Variants in COL24A1 observed in about 807,000 individuals in gnomAD.
The protein encoded by COL24A1 is collagen type XXIV alpha 1 chain, also known as collagen alpha-1(XXIV) chain.
COL24A1 carries 224 observed loss-of-function variants against 253.9 expected under a neutral mutation model. The observed-to-expected ratio is 0.88, with a 90% CI of 0.79 to 0.99. The LOEUF (loss-of-function observed/expected upper bound fraction) is 0.99, where lower values mean the gene tolerates loss of function less well. COL24A1 is among the 50% of genes least tolerant of loss of function. The pLI, the probability that COL24A1 is intolerant of heterozygous loss-of-function variation, is 0.00. For synonymous variants in COL24A1, 685 were observed against 673.7 expected, an observed-to-expected ratio of 1.02 and a Z score of -0.26; for missense variants, 2,131 against 2,068.5, an observed-to-expected ratio of 1.03 and a Z score of -0.59.
intron 47 of COL24A1, among the ~76,000 whole-genome samples, chr1:85,793,001 T>G (rs940512023): frequency 6.6e-6 from 1 of 152,130 alleles, no homozygotes; most frequent in African/African-American, 2.4e-5. Flanking sequence ...GCCATTTCTG[T>G]GGAAGGTCTG....
At chr1:85,781,671 G>A (rs1472661113) in intron 51 of COL24A1, among the ~76,000 whole-genome samples, 1 of 152,132 alleles carries the variant, frequency 6.6e-6, no homozygotes, top group Admixed American at 6.6e-5. Context: ...AGATGTTTGG[G>A]TAACATGAAG....
Position 86,022,939 on chromosome 1 carries a change from C to A in COL24A1, c.2103+15G>T, listed in dbSNP as rs576265019. On this transcript the variant is annotated intron_variant, in intron 15 of 59. Coordinates refer to ENST00000370571, the MANE Select transcript of COL24A1 (RefSeq NM_152890.7). ...AGATTAAAGGGAAATATCCATTATA[C>A]AAATAGAACCATACCATTGGGCCAG... is the stretch of plus-strand genomic sequence containing the variant. The A allele has an allele frequency of 3.0e-5, 48 of 1,612,916 alleles. No homozygotes were observed. The South Asian group carries it at 3.2e-4, about 11-fold the overall frequency.
intron 4 of COL24A1, among the ~76,000 whole-genome samples, chr1:86,113,855 A>AG (rs920205530): frequency 6.6e-6 from 1 of 151,110 alleles, no homozygotes; most frequent in African/African-American, 2.4e-5. Context: ...AAAAAAAAAA[A>AG]AAAAAAAAGA....
At chr1:85,757,854 A>G (rs438401) in intron 55 of COL24A1, among the ~76,000 whole-genome samples, 129,965 of 152,132 alleles carry the variant, frequency 0.85, 56,146 homozygotes, top group East Asian at 0.92. Context: ...TCTCTCATTA[A>G]GTGCAGTGAG....
chr1:85,760,911 C>A (rs906201186), intron 55 of COL24A1, among the ~76,000 whole-genome samples: 3 of 152,080 alleles, frequency 2.0e-5, no homozygotes, highest in Non-Finnish European at 4.4e-5. Context: ...ATAAGGGTAG[C>A]AAGTTTTGGG....
chr1:86,149,332 A>G (rs1652400581), intron 1 of COL24A1, among the ~76,000 whole-genome samples: 1 of 152,270 alleles, frequency 6.6e-6, no homozygotes, highest in South Asian at 2.1e-4. Context: ...GTTGAGGACC[A>G]TCACGCAAGA....
chr1:85,980,744 T>C (rs1014979245), intron 20 of COL24A1, among the ~76,000 whole-genome samples: 1 of 152,026 alleles, frequency 6.6e-6, no homozygotes, highest in African/African-American at 2.4e-5. Flanking sequence ...CCGTCTCTAC[T>C]AAAAATACAA....
chr1:86,065,611 G>A (rs1178479849), intron 7 of COL24A1, among the ~76,000 whole-genome samples: 5 of 152,056 alleles, frequency 3.3e-5, no homozygotes, highest in African/African-American at 1.2e-4. Context: ...CCTATAAAAT[G>A]ACTTGGAATA....
intron 7 of COL24A1, among the ~76,000 whole-genome samples, chr1:86,086,847 A>G (rs1703099778): frequency 2.0e-5 from 3 of 152,228 alleles, no homozygotes; most frequent in Admixed American, 2.0e-4. Context: ...AAATGGAGCC[A>G]TTATATCCTT....
intron 24 of COL24A1, among the ~76,000 whole-genome samples, chr1:85,917,715 G>T (rs1248617077): frequency 6.6e-6 from 1 of 151,778 alleles, no homozygotes; most frequent in Admixed American, 6.6e-5. Context: ...ATTTGAGATG[G>T]AGTCTTGCTC....
intron 46 of COL24A1, 82 bp from the exon 47 acceptor site, chr1:85,816,977 GAGA>G (rs1673107060): frequency 9.6e-7 from 1 of 1,045,100 alleles, no homozygotes. Flanking sequence ...TATTGAGCTG[GAGA>G]AGTTTACATT....
chr1:85,797,627 G>A (rs934607712), intron 47 of COL24A1, among the ~76,000 whole-genome samples: 4 of 152,180 alleles, frequency 2.6e-5, no homozygotes, highest in Admixed American at 1.3e-4. Context: ...TGTTGTCTGT[G>A]TGAACCTGCG....
intron 47 of COL24A1, among the ~76,000 whole-genome samples, chr1:85,800,013 T>G (rs1280072634): frequency 6.6e-6 from 1 of 152,194 alleles, no homozygotes; most frequent in Non-Finnish European, 1.5e-5. Flanking sequence ...CAGTCGTACA[T>G]AAAGGGACAG....
At chr1:85,913,596 G>A (rs187339734) in intron 24 of COL24A1, among the ~76,000 whole-genome samples, 16 of 152,290 alleles carry the variant, frequency 1.1e-4, no homozygotes, top group Non-Finnish European at 1.0e-4. Flanking sequence ...CGGCCACTTT[G>A]GGCTTCTTAT....
chr1:86,085,494 T>G (rs1445237032), intron 7 of COL24A1, among the ~76,000 whole-genome samples: 1 of 152,220 alleles, frequency 6.6e-6, no homozygotes, highest in Non-Finnish European at 1.5e-5. Context: ...CAATATGGCT[T>G]ATCTTCTTGA....
chr1:86,146,386 T>A (rs1262730302), intron 1 of COL24A1, among the ~76,000 whole-genome samples: 1 of 152,078 alleles, frequency 6.6e-6, no homozygotes, highest in African/African-American at 2.4e-5. Context: ...GGCACATTTT[T>A]AATCATTCTA....
chr1:85,740,840 T>C (rs1305822923), intron 57 of COL24A1, among the ~76,000 whole-genome samples: 1 of 144,570 alleles, frequency 6.9e-6, no homozygotes, highest in African/African-American at 2.5e-5. Context: ...CCGGGCACGG[T>C]GGCTCACGCC....
chr1:85,981,470 T>G (rs1693252138), intron 20 of COL24A1, among the ~76,000 whole-genome samples: 1 of 152,118 alleles, frequency 6.6e-6, no homozygotes, highest in Admixed American at 6.6e-5. Flanking sequence ...GGATCCTCAT[T>G]TCTCATCTTA....
intron 20 of COL24A1, among the ~76,000 whole-genome samples, chr1:85,982,948 A>T (rs760199386): frequency 3.3e-5 from 5 of 152,028 alleles, no homozygotes; most frequent in Non-Finnish European, 7.4e-5. Context: ...ACTGGGTCAA[A>T]GTAATCTTAG....
Sources: gnomAD v4.1 joint callset for allele counts (sites outside exome capture counted in the v4.1 genomes callset) on GRCh38, gnomAD v4.1.1 for gene constraint, MANE v1.5 for transcripts, NCBI Gene and HGNC (gene_info 2026-07-23, HGNC 2026-07-21) for gene names.